The following USP49 variants were observed in gnomAD, a reference collection of about 807,000 sequenced individuals.
USP49 encodes the protein ubiquitin specific peptidase 49.
A neutral mutation model predicts 58.6 loss-of-function variants in USP49; 24 were observed. The observed-to-expected ratio is 0.41, with a 90% CI of 0.30 to 0.58. The LOEUF (loss-of-function observed/expected upper bound fraction) is 0.58, where lower values mean the gene tolerates loss of function less well. Ranked by LOEUF, USP49 falls within the 20% of genes least tolerant of loss-of-function variation. The pLI is 0.30. For missense variants in USP49, 703 were observed against 866.1 expected, an observed-to-expected ratio of 0.81 and a Z score of 2.36; for synonymous variants, 408 against 365.1, an observed-to-expected ratio of 1.12 and a Z score of -1.34.
At chr6:41,893,168 C>T (rs904139247) in intron 1 of USP49, among the ~76,000 whole-genome samples, 1 of 152,112 alleles carries the variant, frequency 6.6e-6, no homozygotes, top group Non-Finnish European at 1.5e-5. Context: ...AATTTATTTG[C>T]CCTAAAAAAT....
intron 7 of USP49, chr6:41,797,691 C>T (rs1362814395): frequency 1.0e-6 from 1 of 985,730 alleles, no homozygotes; most frequent in Non-Finnish European, 1.2e-6. Flanking sequence ...GAGATTCATA[C>T]AATATCTCCT....
intron 2 of USP49, among the ~76,000 whole-genome samples, 186 bp from the exon 3 acceptor site, chr6:41,871,823 CAA>C (rs1774416802): frequency 6.6e-6 from 1 of 151,816 alleles, no homozygotes; most frequent in Non-Finnish European, 1.5e-5. Context: ...TAAGAGTAAC[CAA>C]AGAGTCAGTC....
intron 3 of USP49, among the ~76,000 whole-genome samples, chr6:41,842,929 T>C (rs745402985): frequency 6.6e-6 from 1 of 151,916 alleles, no homozygotes; most frequent in Non-Finnish European, 1.5e-5. Flanking sequence ...TGATGGAGTC[T>C]TGCTGTGTTG....
intron 3 of USP49, 85 bp downstream of exon 3, chr6:41,871,479 T>C (rs919227711): frequency 1.1e-4 from 16 of 152,188 alleles, no homozygotes; most frequent in African/African-American, 3.6e-4. Context: ...ATTACCCTCA[T>C]AGTATGCCAA....
At position 41,791,314 on chromosome 6, in the gene USP49, T is replaced by G. The variant is rs1372775187; in HGVS notation, c.*5219A>C. ...TTTTTGAAAAGATTTCAAATCTATG[T>G]TTCCCAGGCTGGTCTTGAGCTCCTG... is the stretch of plus-strand genomic sequence containing the variant. On this transcript the variant is annotated 3_prime_UTR_variant, in exon 8 of 8. Coordinates refer to ENST00000682992, the MANE Select transcript of USP49 (RefSeq NM_001286554.2). 3 of 152,354 alleles carry G rather than the reference T, an allele frequency of 2.0e-5. No individual in the cohort carries two copies. In the East Asian group the frequency reaches 5.8e-4, roughly 29 times the overall value. The allele number at this position is 152,354 out of a possible 1,614,324, so 9.4% of individuals were successfully genotyped here.
intron 1 of USP49, chr6:41,893,877 A>AC (rs1238648777): frequency 6.7e-6 from 1 of 148,428 alleles, no homozygotes; most frequent in African/African-American, 2.5e-5. Flanking sequence ...TGCACCCCCC[A>AC]CCTCTGCCCT....
intron 3 of USP49, among the ~76,000 whole-genome samples, chr6:41,868,455 G>A (rs886764728): frequency 6.6e-6 from 1 of 152,062 alleles, no homozygotes; most frequent in Admixed American, 6.6e-5. Context: ...AGCCTCCTGA[G>A]TAGCTGGGAT....
At chr6:41,799,031 C>A in intron 6 of USP49, 102 bp from the exon 7 acceptor site, 1 of 1,453,364 alleles carries the variant, frequency 6.9e-7, no homozygotes, top group Non-Finnish European at 9.1e-7. Flanking sequence ...ATTTAACCTT[C>A]TGGTTTTGGT....
intron 2 of USP49, chr6:41,874,198 C>T (rs1774462197): frequency 6.6e-6 from 1 of 152,212 alleles, no homozygotes; most frequent in African/African-American, 2.4e-5. Flanking sequence ...ACAAGACCTT[C>T]CTTAACTTCT....
chr6:41,857,537 T>C (rs923244031), intron 3 of USP49, among the ~76,000 whole-genome samples: 5 of 152,144 alleles, frequency 3.3e-5, no homozygotes, highest in African/African-American at 1.2e-4. Context: ...TCCCAGCTCC[T>C]TGGGAGGCTG....
At chr6:41,829,710 T>C (rs1004116387) in intron 3 of USP49, among the ~76,000 whole-genome samples, 1 of 152,224 alleles carries the variant, frequency 6.6e-6, no homozygotes, top group East Asian at 1.9e-4. Flanking sequence ...GGAAGTTCAG[T>C]TGATTAGTAA....
chr6:41,871,388 G>A (rs1446716209), intron 3 of USP49, among the ~76,000 whole-genome samples, 176 bp downstream of exon 3: 1 of 151,954 alleles, frequency 6.6e-6, no homozygotes, highest in Admixed American at 6.6e-5. Flanking sequence ...GTTAATTCGT[G>A]GTACTAAAAA....
intron 3 of USP49, among the ~76,000 whole-genome samples, chr6:41,833,631 A>G (rs1582010108): frequency 6.6e-6 from 1 of 152,376 alleles, no homozygotes; most frequent in Non-Finnish European, 1.5e-5. Context: ...TAAAATAACT[A>G]TACCAAACCT....
chr6:41,813,157 T>TA (rs1464007510), intron 3 of USP49, among the ~76,000 whole-genome samples: 1 of 152,114 alleles, frequency 6.6e-6, no homozygotes, highest in African/African-American at 2.4e-5. Flanking sequence ...AGCATAGACT[T>TA]AAACACACCA....
intron 3 of USP49, among the ~76,000 whole-genome samples, chr6:41,860,454 T>C (rs1387437777): frequency 2.0e-5 from 3 of 152,164 alleles, no homozygotes; most frequent in Non-Finnish European, 4.4e-5. Flanking sequence ...ATTAAGAAAT[T>C]ACTATCAGTT....
chr6:41,874,465 G>A (rs965703851), intron 2 of USP49, among the ~76,000 whole-genome samples: 2 of 152,124 alleles, frequency 1.3e-5, no homozygotes, highest in Non-Finnish European at 2.9e-5. Flanking sequence ...TATGATGATA[G>A]CCAGCAACAC....
At chr6:41,847,075 G>C (rs1466246690) in intron 3 of USP49, among the ~76,000 whole-genome samples, 1 of 152,210 alleles carries the variant, frequency 6.6e-6, no homozygotes, top group Admixed American at 6.5e-5. Context: ...CAAAGACTTG[G>C]ACAGATGGTT....
intron 3 of USP49, chr6:41,832,936 A>G (rs1404827485): frequency 6.6e-6 from 1 of 152,054 alleles, no homozygotes; most frequent in Non-Finnish European, 1.5e-5. Context: ...AGTATCTAGC[A>G]TCACTGATTT....
At chr6:41,840,756 TTTC>T (rs1773811263) in intron 3 of USP49, among the ~76,000 whole-genome samples, 2 of 152,330 alleles carry the variant, frequency 1.3e-5, no homozygotes, top group South Asian at 4.1e-4. Flanking sequence ...ACCTCCTATT[TTTC>T]TTCAGTTAAT....
Sources: allele counts gnomAD v4.1 joint callset (sites outside exome capture counted in the v4.1 genomes callset), GRCh38; gene constraint gnomAD v4.1.1; transcripts MANE v1.5; gene names NCBI Gene and HGNC (gene_info 2026-07-23, HGNC 2026-07-21).